The following ZNF519 variants were observed in gnomAD, a reference collection of about 807,000 sequenced individuals.
The protein encoded by ZNF519 is zinc finger protein 519.
ZNF519 carries 7 observed loss-of-function variants against 7.4 expected under a neutral mutation model. That is an observed-to-expected ratio of 0.94 (90% CI 0.54 to 1.77). ZNF519 has a LOEUF of 1.77. Among genes scored for constraint, ZNF519 ranks in the 40% most tolerant of loss-of-function variants. ZNF519 has a pLI of 0.00. For synonymous variants in ZNF519, 179 were observed against 203.3 expected, an observed-to-expected ratio of 0.88 and a Z score of 1.02; for missense variants, 586 against 623.1, an observed-to-expected ratio of 0.94 and a Z score of 0.63.
At position 14,105,318 on chromosome 18, in the gene ZNF519, C is replaced by T. The variant is rs1377260626; in HGVS notation, c.1222G>A (p.Glu408Lys). The stretch of plus-strand genomic sequence containing the variant: ...GCTCTGTTAAAAGCTTTGCCACATT[C>T]CTTACACTTGAAAGGTTTCTCTCCA... The part of the protein sequence containing the change: ...HTGEKPFKCK[E>K]CGKAFNRASH... Residue 408 changes from glutamate to lysine, a missense_variant, in exon 3 of 3, where the codon GAA becomes AAA. Transcript: ENST00000590202. 1 of 1,613,698 alleles carries T rather than the reference C, an allele frequency of 6.2e-7. No homozygotes were observed. The highest frequency in any genetic ancestry group is 1.7e-5 in the Admixed American group (1 of 59,974).
intron 2 of ZNF519, among the ~76,000 whole-genome samples, chr18:14,093,177 C>T (rs545898734): frequency 1.3e-5 from 2 of 152,282 alleles, no homozygotes; most frequent in South Asian, 4.1e-4. Flanking sequence ...TGCGAAAGGG[C>T]AGAGTCCATC....
chr18:14,105,417 G>A lies in ZNF519; in HGVS notation c.1123C>T (p.Pro375Ser), dbSNP rs751947868. 7.4e-6 allele frequency: 12 copies of A among 1,612,454 alleles called. No homozygotes were observed. Among genetic ancestry groups the A allele is most frequent in the Non-Finnish European group, 1.0e-5 (12 of 1,179,754 alleles). ...QHQRIHTGEK[P>S]FRCKECGKAF... ...TTGCCACATTCCTTACATCTGAAAG[G>A]TTTCTCTCCGGTATGGATTCTCTGG... The change falls in exon 3 of 3, where the codon CCT becomes TCT. Residue 375 changes from proline (P) to serine (S), a missense_variant. Physicochemically the swap from Pro to Ser is moderately conservative, Grantham distance 74 (BLOSUM62 -1). Transcript: ENST00000590202.
At chr18:14,124,297 G>T in intron 2 of ZNF519, 53 bp downstream of exon 2, 1 of 1,523,876 alleles carries the variant, frequency 6.6e-7, no homozygotes, top group Non-Finnish European at 8.8e-7. Flanking sequence ...TACAAAGAAA[G>T]AAAATAAAAC....
At chr18:14,081,268 AAAT>A (rs2046069797) in intron 3 of ZNF519, among the ~76,000 whole-genome samples, 1 of 152,186 alleles carries the variant, frequency 6.6e-6, no homozygotes, top group African/African-American at 2.4e-5. Flanking sequence ...GTGTCAACCT[AAAT>A]AAGAAACAGT....
intron 2 of ZNF519, chr18:14,091,133 T>C: frequency 6.6e-6 from 1 of 152,324 alleles, no homozygotes; most frequent in East Asian, 1.9e-4. Flanking sequence ...TATTTGGGGA[T>C]AAAGTGGGAA....
intron 2 of ZNF519, 168 bp downstream of exon 2, chr18:14,124,177 TAAAAA>T: frequency 2.6e-6 from 1 of 391,412 alleles, no homozygotes; most frequent in Non-Finnish European, 4.0e-6. Context: ...CTGTCTCAAT[TAAAAA>T]AAAAAAAAAA....
rs2046165552 is a variant in ZNF519 at position 14,102,259 on chromosome 18, T to C, written c.*2658A>G. ...CTTGGCTCACTGCAACCTCCACCTC[T>C]CAGGTTTAAGTGATTTTCCTGTCTC... On this transcript the variant is annotated 3_prime_UTR_variant, in exon 3 of 3. Transcript: ENST00000590202. 6.6e-6 allele frequency: 1 copy of C among 152,136 alleles called. No homozygotes were observed. Among genetic ancestry groups the C allele is most frequent in the South Asian group, 2.1e-4 (1 of 4,826 alleles). The allele number at this position is 152,136 out of a possible 1,614,324, so 9.4% of individuals were successfully genotyped here.
chr18:14,072,897 C>T (rs568083758), downstream of ZNF519: 5 of 152,304 alleles, frequency 3.3e-5, no homozygotes, highest in African/African-American at 9.6e-5. Flanking sequence ...TGGTACAGGC[C>T]TGACCTGTGA....
chr18:14,130,380 T>C (rs1202462034), intron 1 of ZNF519, among the ~76,000 whole-genome samples: 1 of 152,138 alleles, frequency 6.6e-6, no homozygotes, highest in African/African-American at 2.4e-5. Flanking sequence ...TTCCTTCTAA[T>C]CTTATTTGCT....
At chr18:14,093,414 C>CAA (rs1317882505) in intron 2 of ZNF519, among the ~76,000 whole-genome samples, 2 of 152,208 alleles carry the variant, frequency 1.3e-5, no homozygotes, top group Non-Finnish European at 2.9e-5. Flanking sequence ...TCTGCCCTTA[C>CAA]TACTTAACCA....
At chr18:14,124,739 A>AC (rs1374752842) in intron 1 of ZNF519, among the ~76,000 whole-genome samples, 2 of 152,076 alleles carry the variant, frequency 1.3e-5, no homozygotes, top group African/African-American at 4.8e-5. Context: ...TCCTTCTGGA[A>AC]CAACGGGTGA....
chr18:14,129,752 G>A (rs1399008720), intron 1 of ZNF519, among the ~76,000 whole-genome samples: 1 of 152,090 alleles, frequency 6.6e-6, no homozygotes, highest in Non-Finnish European at 1.5e-5. Context: ...CCTCACTGCC[G>A]ATGCCAGTCA....
At chr18:14,129,823 A>C (rs1308105152) in intron 1 of ZNF519, among the ~76,000 whole-genome samples, 1 of 152,108 alleles carries the variant, frequency 6.6e-6, no homozygotes, top group Non-Finnish European at 1.5e-5. Flanking sequence ...GGGCTTCCAC[A>C]TTCCCCTCCT....
downstream of ZNF519, among the ~76,000 whole-genome samples, chr18:14,095,447 C>A (rs1686577252): frequency 1.3e-5 from 2 of 152,352 alleles, no homozygotes; most frequent in South Asian, 2.1e-4. Context: ...GTCATTGTAA[C>A]ACTGGGTTAA....
chr18:14,124,591 T>A, intron 1 of ZNF519, 115 bp from the exon 2 acceptor site: 1 of 1,280,726 alleles, frequency 7.8e-7, no homozygotes, highest in Non-Finnish European at 1.1e-6. Flanking sequence ...AAATAACTTT[T>A]AACACAGTAA....
chr18:14,123,880 T>C (rs932747140), intron 2 of ZNF519, among the ~76,000 whole-genome samples: 3 of 151,994 alleles, frequency 2.0e-5, no homozygotes, highest in Admixed American at 2.0e-4. Flanking sequence ...ATCATAAAGA[T>C]TTTCTTTTTG....
rs528483771 is a variant in ZNF519 at position 14,105,272 on chromosome 18, TG to T, written c.1267del (p.Gln423ArgfsTer114). 3,181 of 1,613,894 alleles carry T rather than the reference TG, an allele frequency of 2.0e-3. 11 individuals carry two copies. Among genetic ancestry groups the T allele is most frequent in the Non-Finnish European group, 2.4e-3 (2,787 of 1,179,816 alleles). On this transcript the variant is annotated frameshift_variant, in exon 3 of 3. Coordinates refer to ENST00000590202, the MANE Select transcript of ZNF519 (RefSeq NM_145287.4). LOFTEE classifies it low-confidence loss of function (END_TRUNC). ...FNRASHLTQH[Q>X]RIHTGEKHFK... ...GTGTTTCTCTCCAGTATGGATTCTCTGATGTTGAGTAAGGTGTGAAGCTCTG... is the reference window on the plus strand; with the variant it reads ...GTGTTTCTCTCCAGTATGGATTCTCTATGTTGAGTAAGGTGTGAAGCTCTG...
chr18:14,119,642 G>T (rs1381662991), intron 2 of ZNF519, among the ~76,000 whole-genome samples: 1 of 152,012 alleles, frequency 6.6e-6, no homozygotes, highest in Admixed American at 6.5e-5. Flanking sequence ...GGTTTTTTGA[G>T]ACAGGGTGTC....
At position 14,105,919 on chromosome 18, in the gene ZNF519, C is replaced by T. The variant is rs552356210; in HGVS notation, c.621G>A (p.Lys207=). ...CACCACATTCATTAGAGTTGTAAGGCTTTTTTTGAATATGGATATTTTCAG... is the reference window on the plus strand; with the variant it reads ...CACCACATTCATTAGAGTTGTAAGGTTTTTTTTGAATATGGATATTTTCAG... The part of the protein sequence containing the change: ...IFPENIHIQK[K]PYNSNECGET... The change falls in exon 3 of 3, where the codon AAG becomes AAA. Residue 207 remains lysine, a synonymous_variant. Coordinates refer to ENST00000590202, the MANE Select transcript of ZNF519 (RefSeq NM_145287.4). 5.9e-5 allele frequency: 95 copies of T among 1,609,966 alleles called. No homozygotes were observed. The highest frequency in any genetic ancestry group is 4.8e-4 in the South Asian group (43 of 89,974).
Sources: allele counts gnomAD v4.1 joint callset (sites outside exome capture counted in the v4.1 genomes callset), GRCh38; gene constraint gnomAD v4.1.1; transcripts MANE v1.5; gene names NCBI Gene and HGNC (gene_info 2026-07-23, HGNC 2026-07-21).